Variants in ZNF462 observed in about 807,000 individuals in gnomAD.
The protein encoded by ZNF462 is zinc finger protein 462, also known as zinc finger PBX1-interacting protein.
Under a neutral mutation model 201.9 loss-of-function variants are expected in ZNF462, and 10 were observed. The observed-to-expected ratio is 0.05, with a 90% CI of 0.03 to 0.08. The LOEUF (loss-of-function observed/expected upper bound fraction) is 0.08, where lower values mean the gene tolerates loss of function less well. Among genes scored for constraint, ZNF462 ranks in the 10% least tolerant of loss-of-function variants. The pLI, the probability that ZNF462 is intolerant of heterozygous loss-of-function variation, is 1.00. For synonymous variants in ZNF462, 1,227 were observed against 1,193.3 expected (o/e 1.03, Z -0.58); for missense variants, 2,523 against 3,168.3 (o/e 0.80, Z 4.89).
rs549217242 is a variant in ZNF462, at chr9:106,917,081, G to C, written c.-30-6273G>C. Among the ~76,000 whole-genome samples the C allele has an allele frequency of 1.3e-5, 2 of 152,326 alleles. No individual in the cohort carries two copies. Among genetic ancestry groups the C allele is most frequent in the South Asian group, 4.1e-4 (2 of 4,826 alleles). On this transcript the variant is annotated intron_variant, in intron 1 of 12. Transcript: ENST00000277225. This position sits in a 1 kb window ranked among gnomAD's most constrained non-coding sequence, Gnocchi z 4.5. ...TCAATTAGCCTTATATCATTGCAAA[G>C]GAATGCATGAATTCTCCAGAAGGTA... is the stretch of plus-strand genomic sequence containing the variant.
At chr9:106,868,712 T>C (rs1215573209) in intron 1 of ZNF462, among the ~76,000 whole-genome samples, 2 of 152,100 alleles carry the variant, frequency 1.3e-5, no homozygotes, top group African/African-American at 2.4e-5. Context: ...GAAAGTTCAG[T>C]TGTAACCGAG....
In ZNF462 at chr9:106,928,451, C is replaced by A. The variant is rs202107944; in HGVS notation, c.4539C>A (p.Ala1513=). ...AGGACATTGACATCAACCCAGGTGCCGTCTACAAATGCAGGCATTGCCCAT... is the reference window on the plus strand; with the variant it reads ...AGGACATTGACATCAACCCAGGTGCAGTCTACAAATGCAGGCATTGCCCAT... The part of the protein sequence containing the change: ...FAQDIDINPG[A]VYKCRHCPYI... The change falls in exon 3 of 13, where the codon GCC becomes GCA. Residue 1513 remains alanine, a synonymous_variant. Coordinates refer to ENST00000277225, the MANE Select transcript of ZNF462 (RefSeq NM_021224.6). The surrounding 1 kb of genome is among the most constrained non-coding windows in gnomAD (Gnocchi z 9.3). 3 of 1,614,112 alleles carry A rather than the reference C, an allele frequency of 1.9e-6. No homozygotes were observed. The East Asian group carries it at 6.7e-5, about 36-fold the overall frequency.
At chr9:106,965,948 G>C (rs1198780663) in intron 7 of ZNF462, among the ~76,000 whole-genome samples, 3 of 151,998 alleles carry the variant, frequency 2.0e-5, no homozygotes, top group Non-Finnish European at 4.4e-5. Flanking sequence ...TACATTTTTA[G>C]CTGCCCTCTT....
chr9:106,894,497 A>G (rs1167217520), intron 1 of ZNF462, among the ~76,000 whole-genome samples: 1 of 152,248 alleles, frequency 6.6e-6, no homozygotes, highest in East Asian at 1.9e-4. Context: ...AAGGTATTAC[A>G]GGGTTGTAAG....
chr9:106,959,624 G>T (rs539388462), intron 7 of ZNF462, among the ~76,000 whole-genome samples: 1 of 152,190 alleles, frequency 6.6e-6, no homozygotes, highest in South Asian at 2.1e-4. Context: ...CTAGAAGGAG[G>T]CTCCTCAACA....
chr9:106,999,614 A>G (rs558294963), intron 10 of ZNF462, among the ~76,000 whole-genome samples: 1 of 152,302 alleles, frequency 6.6e-6, no homozygotes, highest in African/African-American at 2.4e-5. Flanking sequence ...AGGCATGAAG[A>G]AGTTGGATAT....
chr9:106,884,106 G>A (rs1349116320), intron 1 of ZNF462, among the ~76,000 whole-genome samples: 1 of 152,184 alleles, frequency 6.6e-6, no homozygotes, highest in African/African-American at 2.4e-5. Context: ...CTGATCTTCA[G>A]AATTATTCTG....
At chr9:106,976,830 C>G (rs1344255458) in intron 9 of ZNF462, among the ~76,000 whole-genome samples, 11 of 152,060 alleles carry the variant, frequency 7.2e-5, no homozygotes, top group Admixed American at 6.6e-4. Flanking sequence ...CTGTTATCCC[C>G]CATGATGAGG....
Position 107,008,596 on chromosome 9 carries a change from A to G in ZNF462, c.7190-949A>G, listed in dbSNP as rs1034892954. Among the ~76,000 whole-genome samples, 2 of 152,144 alleles carry G rather than the reference A, an allele frequency of 1.3e-5. No individual in the cohort carries two copies. Among genetic ancestry groups the G allele is most frequent in the African/African-American group, 4.8e-5 (2 of 41,432 alleles). On this transcript the variant is annotated intron_variant, in intron 11 of 12. Coordinates refer to ENST00000277225, the MANE Select transcript of ZNF462 (RefSeq NM_021224.6). The surrounding 1 kb of genome is among the most constrained non-coding windows in gnomAD (Gnocchi z 4.8). Reference sequence around the variant, plus strand: ...GGTCCTGCTGTTTATTACCTACATGAAGACTTGGCCCTCTGTGGTATAATG... The same window carrying G: ...GGTCCTGCTGTTTATTACCTACATGGAGACTTGGCCCTCTGTGGTATAATG...
rs947170993 is a variant in ZNF462 at position 106,919,333 on chromosome 9, G to T, written c.-30-4021G>T. ...TGAGCAGTGAGTTGGAAGGATGGAC[G>T]ATGAAGCTGTGGTTTGTCTCCTTCC... is the stretch of plus-strand genomic sequence containing the variant. On this transcript the variant is annotated intron_variant, in intron 1 of 12. Transcript: ENST00000277225. This position sits in a 1 kb window ranked among gnomAD's most constrained non-coding sequence, Gnocchi z 4.5. Among the ~76,000 whole-genome samples the T allele has an allele frequency of 1.6e-4, 24 of 152,214 alleles. No homozygotes were observed. The highest frequency in any genetic ancestry group is 5.8e-4 in the African/African-American group (24 of 41,454).
intron 10 of ZNF462, among the ~76,000 whole-genome samples, chr9:106,986,036 A>T (rs1003862532): frequency 6.6e-6 from 1 of 152,306 alleles, no homozygotes; most frequent in Middle Eastern, 3.4e-3. Flanking sequence ...AATTATTCAC[A>T]TGTATCTTAT....
chr9:106,874,905 C>G (rs1827761135), intron 1 of ZNF462, among the ~76,000 whole-genome samples: 1 of 152,140 alleles, frequency 6.6e-6, no homozygotes, highest in Non-Finnish European at 1.5e-5. Context: ...TGAACATCAC[C>G]CATAGGTCCT....
intron 1 of ZNF462, among the ~76,000 whole-genome samples, chr9:106,867,647 A>C (rs1034191150): frequency 6.6e-6 from 1 of 151,962 alleles, no homozygotes; most frequent in East Asian, 1.9e-4. Flanking sequence ...AAAAAATCCA[A>C]CTCTACTAAT....
chr9:106,955,472 G>C (rs538517794), intron 7 of ZNF462, among the ~76,000 whole-genome samples: 6 of 152,178 alleles, frequency 3.9e-5, no homozygotes, highest in Non-Finnish European at 8.8e-5. Context: ...TGTTTGCCTT[G>C]ATGTTGGTGG....
intron 9 of ZNF462, among the ~76,000 whole-genome samples, chr9:106,983,863 A>T (rs1402672942): frequency 6.6e-6 from 1 of 152,190 alleles, no homozygotes. Flanking sequence ...TAAAAATTGC[A>T]GCTACTTCTA....
chr9:106,952,225 T>C, intron 7 of ZNF462, among the ~76,000 whole-genome samples: 1 of 152,152 alleles, frequency 6.6e-6, no homozygotes, highest in East Asian at 1.9e-4. Flanking sequence ...AGTTAAAGCA[T>C]TTACCCTCTC....
chr9:106,996,727 A>T (rs1828761807), intron 10 of ZNF462, among the ~76,000 whole-genome samples: 1 of 152,088 alleles, frequency 6.6e-6, no homozygotes, highest in Admixed American at 6.6e-5. Flanking sequence ...CCTTTGTCAG[A>T]TGGGTAGATT....
intron 10 of ZNF462, among the ~76,000 whole-genome samples, chr9:106,987,910 TGA>T (rs1827975177): frequency 2.6e-5 from 4 of 152,324 alleles, no homozygotes; most frequent in Admixed American, 2.6e-4. Context: ...CACCATTTGT[TGA>T]AAAGGGTGTC....
chr9:106,955,199 A>G (rs1564130307), intron 7 of ZNF462, among the ~76,000 whole-genome samples: 1 of 152,148 alleles, frequency 6.6e-6, no homozygotes, highest in Non-Finnish European at 1.5e-5. Flanking sequence ...GGTATCTAAC[A>G]TACAGGAATA....
Sources: allele counts gnomAD v4.1 joint callset (sites outside exome capture counted in the v4.1 genomes callset), GRCh38; gene constraint gnomAD v4.1.1; non-coding constraint Gnocchi (gnomAD v3.1); transcripts MANE v1.5; gene names NCBI Gene and HGNC (gene_info 2026-07-23, HGNC 2026-07-21).